Variants in SERPINA12 observed in about 807,000 individuals in gnomAD.
SERPINA12 encodes serpin A12.
A neutral mutation model predicts 25.9 loss-of-function variants in SERPINA12; 21 were observed. That is an observed-to-expected ratio of 0.81 (90% confidence interval 0.58 to 1.17). SERPINA12 has a LOEUF of 1.17. Among genes scored for constraint, SERPINA12 ranks in the 50% most tolerant of loss-of-function variants. SERPINA12 has a pLI of 0.00. For missense variants in SERPINA12, 562 were observed against 508.3 expected, an observed-to-expected ratio of 1.11 and a Z score of -1.02; for synonymous variants, 220 against 196.0, an observed-to-expected ratio of 1.12 and a Z score of -1.02.
chr14:94,500,856 T>C (rs1336017565), intron 1 of SERPINA12: 2 of 985,168 alleles, frequency 2.0e-6, no homozygotes, highest in African/African-American at 3.5e-5. Flanking sequence ...GCCAAAAACA[T>C]CCTCACAAAT....
chr14:94,489,835 C>T, intron 3 of SERPINA12, 68 bp from the exon 4 acceptor site: 2 of 1,501,988 alleles, frequency 1.3e-6, no homozygotes, highest in Non-Finnish European at 1.8e-6. Flanking sequence ...CCTCAGGATA[C>T]ATGACCAATG....
At chr14:94,501,366 G>A (rs1304073272) in intron 1 of SERPINA12, among the ~76,000 whole-genome samples, 2 of 152,114 alleles carry the variant, frequency 1.3e-5, no homozygotes, top group Non-Finnish European at 2.9e-5. Context: ...GCTGGAGCAG[G>A]GAAGGAACCC....
upstream of SERPINA12, among the ~76,000 whole-genome samples, chr14:94,513,326 T>C (rs573218479): frequency 6.6e-6 from 1 of 152,250 alleles, no homozygotes; most frequent in South Asian, 2.1e-4. Context: ...AATACAAAGA[T>C]GCAAATGGCT....
chr14:94,500,902 A>T (rs867945446), intron 1 of SERPINA12: 3 of 985,090 alleles, frequency 3.0e-6, no homozygotes, highest in Non-Finnish European at 2.4e-6. Context: ...CGCCAGGACT[A>T]CTAAGTAGGC....
intron 1 of SERPINA12, chr14:94,500,894 C>T (rs1281108327): frequency 1.0e-6 from 1 of 985,136 alleles, no homozygotes; most frequent in African/African-American, 1.7e-5. Context: ...TTTTAAAACG[C>T]CAGGACTACT....
intron 3 of SERPINA12, among the ~76,000 whole-genome samples, chr14:94,492,842 TC>T (rs1900234819): frequency 6.6e-6 from 1 of 152,072 alleles, no homozygotes; most frequent in East Asian, 1.9e-4. Flanking sequence ...AGTTTTCTGC[TC>T]CTAAAGGTGG....
At chr14:94,503,484 C>A in intron 1 of SERPINA12, 1 of 198,584 alleles carries the variant, frequency 5.0e-6, no homozygotes, top group Non-Finnish European at 9.1e-6. Context: ...CCACAGCCTT[C>A]TCCAAACCCT....
chr14:94,489,499 T>C (rs2139844249), intron 4 of SERPINA12, 121 bp downstream of exon 4: 1 of 1,171,598 alleles, frequency 8.5e-7, no homozygotes, highest in African/African-American at 1.5e-5. Flanking sequence ...GCTGCATTCA[T>C]GCCCGCCCCG....
intron 3 of SERPINA12, among the ~76,000 whole-genome samples, chr14:94,494,051 A>T (rs1168071468): frequency 6.6e-6 from 1 of 152,166 alleles, no homozygotes; most frequent in Non-Finnish European, 1.5e-5. Flanking sequence ...CAGGACAGTG[A>T]GTTCCAGCAA....
chr14:94,500,843 G>A (rs1479662321), intron 1 of SERPINA12: 2 of 985,204 alleles, frequency 2.0e-6, no homozygotes, highest in African/African-American at 3.5e-5. Flanking sequence ...TCACTTCCTT[G>A]AAGCCAAAAA....
upstream of SERPINA12, among the ~76,000 whole-genome samples, chr14:94,513,332 T>C (rs1901155258): frequency 6.6e-6 from 1 of 152,150 alleles, no homozygotes; most frequent in Non-Finnish European, 1.5e-5. Flanking sequence ...AAGATGCAAA[T>C]GGCTGATATC....
chr14:94,489,254 G>C (rs1900047948), intron 4 of SERPINA12, among the ~76,000 whole-genome samples: 1 of 151,692 alleles, frequency 6.6e-6, no homozygotes, highest in Non-Finnish European at 1.5e-5. Context: ...GAGAGAAAGA[G>C]AGAAAGAAAG....
rs781652289 is a variant in SERPINA12, at chr14:94,498,408, G to GATTTT, written c.-12_-11insAAAAT. ...TAGTGTGGGGTTCATTTTCCTTGAA[G>GATTTT]AATATCCTGTTGAGTAGTAGACCTG... On this transcript the variant is annotated 5_prime_UTR_variant, in exon 2 of 5. Transcript: ENST00000677451. 9.9e-6 allele frequency: 16 copies of GATTTT among 1,611,048 alleles called. No individual in the cohort carries two copies. The highest frequency in any genetic ancestry group is 3.3e-4 in the Middle Eastern group (2 of 6,048).
intron 3 of SERPINA12, among the ~76,000 whole-genome samples, chr14:94,490,590 T>C (rs1277553854): frequency 1.3e-5 from 2 of 151,960 alleles, no homozygotes; most frequent in Non-Finnish European, 2.9e-5. Flanking sequence ...AGTGACCCTA[T>C]CCTCAAAAAC....
intron 1 of SERPINA12, among the ~76,000 whole-genome samples, chr14:94,498,775 T>A (rs532952771): frequency 1.7e-4 from 26 of 152,304 alleles, no homozygotes; most frequent in African/African-American, 6.3e-4. Context: ...CCTACCATCA[T>A]AATACTTCAT....
At chr14:94,501,216 C>G (rs914540505) in intron 1 of SERPINA12, 1 of 975,514 alleles carries the variant, frequency 1.0e-6, no homozygotes, top group African/African-American at 1.8e-5. Context: ...ATAGAAGCTT[C>G]TGCTATTCAG....
chr14:94,498,992 A>C (rs115384502), intron 1 of SERPINA12, among the ~76,000 whole-genome samples: 166 of 152,338 alleles, frequency 1.1e-3, no homozygotes, highest in African/African-American at 3.6e-3. Flanking sequence ...GGACTGACAC[A>C]TCTGATGACA....
chr14:94,502,648 T>A (rs149304103), intron 1 of SERPINA12, among the ~76,000 whole-genome samples: 5 of 152,312 alleles, frequency 3.3e-5, no homozygotes, highest in Admixed American at 2.0e-4. Context: ...CTCCTGATAG[T>A]TGACCACCCT....
At chr14:94,516,799 T>C (rs1419329669) in intron 1 of SERPINA12, among the ~76,000 whole-genome samples, 1 of 152,134 alleles carries the variant, frequency 6.6e-6, no homozygotes, top group African/African-American at 2.4e-5. Context: ...CCAAACCTGG[T>C]TCAGGTGCCC....
Sources: allele counts gnomAD v4.1 joint callset (sites outside exome capture counted in the v4.1 genomes callset), GRCh38; gene constraint gnomAD v4.1.1; transcripts MANE v1.5; gene names NCBI Gene and HGNC (gene_info 2026-07-23, HGNC 2026-07-21).